The following PKD2 variants were observed in gnomAD, a reference collection of about 807,000 sequenced individuals.
PKD2 encodes the protein polycystin 2, transient receptor potential cation channel.
PKD2 carries 48 observed loss-of-function variants against 105.9 expected under a neutral mutation model. The observed-to-expected ratio is 0.45, with a 90% CI of 0.36 to 0.58. The LOEUF (loss-of-function observed/expected upper bound fraction) is 0.58. Among genes scored for constraint, PKD2 ranks in the 20% least tolerant of loss-of-function variants. The probability of loss-of-function intolerance (pLI) is 0.00; values close to 1 mark genes in which losing one functional copy is unlikely to be tolerated. For synonymous variants in PKD2, 464 were observed against 481.1 expected, an observed-to-expected ratio of 0.96 and a Z score of 0.46; for missense variants, 1,078 against 1,255.3, an observed-to-expected ratio of 0.86 and a Z score of 2.13.
intron 13 of PKD2, among the ~76,000 whole-genome samples, chr4:88,072,867 A>C (rs759725152): frequency 6.6e-6 from 1 of 151,308 alleles, no homozygotes; most frequent in Non-Finnish European, 1.5e-5. Flanking sequence ...TGAGACCCTC[A>C]TCTCTACAAG....
intron 3 of PKD2, among the ~76,000 whole-genome samples, chr4:88,037,386 A>G (rs561280121): frequency 6.6e-6 from 1 of 152,310 alleles, no homozygotes; most frequent in South Asian, 2.1e-4. Context: ...AAAATATTAA[A>G]CTGATCTGAG....
intron 12 of PKD2, 135 bp downstream of exon 12, chr4:88,066,014 T>A (rs1720779870): frequency 5.6e-6 from 4 of 714,434 alleles, no homozygotes; most frequent in South Asian, 4.4e-5. Context: ...TCAGTCGGTT[T>A]ATGTGTTAGT....
In PKD2 at chr4:88,007,810, C is replaced by T; in HGVS notation, c.77C>T (p.Pro26Leu). ...CCGCCCGCGCCCCGCGCGCCGGACCCGGGCCGGCTGATGGCTGGCTGCGCG... is the reference window on the plus strand; with the variant it reads ...CCGCCCGCGCCCCGCGCGCCGGACCTGGGCCGGCTGATGGCTGGCTGCGCG... ...KRPPAPRAPDPGRLMAGCAAV... is the reference protein window; with the variant it reads ...KRPPAPRAPDLGRLMAGCAAV... Residue 26 changes from proline to leucine, a missense_variant, in exon 1 of 15, where the codon CCG becomes CTG. Transcript: ENST00000237596. 8.6e-7 allele frequency: 1 copy of T among 1,168,806 alleles called. No individual in the cohort carries two copies. The highest frequency in any genetic ancestry group is 1.6e-5 in the African/African-American group (1 of 61,366). The allele number at this position is 1,168,806 out of a possible 1,614,324, so 72.4% of individuals were successfully genotyped here. A position where few individuals can be genotyped will look rare whatever the true frequency, so the allele number is the denominator to read the frequency against.
intron 2 of PKD2, among the ~76,000 whole-genome samples, chr4:88,035,301 T>C (rs990956204): frequency 2.0e-5 from 3 of 152,328 alleles, no homozygotes; most frequent in South Asian, 2.1e-4. Flanking sequence ...GTTCGAGTTA[T>C]AGGGTTCCAT....
chr4:88,039,959 C>G (rs958191581), intron 4 of PKD2, among the ~76,000 whole-genome samples: 2 of 152,092 alleles, frequency 1.3e-5, no homozygotes, highest in African/African-American at 2.4e-5. Context: ...CATAAGCATG[C>G]CTTCATCTGT....
intron 13 of PKD2, among the ~76,000 whole-genome samples, chr4:88,072,971 G>T (rs1489835800): frequency 6.7e-6 from 1 of 150,330 alleles, no homozygotes; most frequent in African/African-American, 2.4e-5. Flanking sequence ...GGAGGCAGAG[G>T]TTGCAGTGAG....
chr4:88,052,137 A>G lies in PKD2; in HGVS notation c.1695A>G (p.Thr565=). ...QIQFNNIAAV[T]VFFVWIKLFK... is the part of the protein sequence containing the mutation. ...AGTTCAACAATATAGCTGCTGTCAC[A>G]GTATTTTTTGTCTGGATTAAGGTAA... Residue 565 remains threonine, a synonymous_variant, in exon 7 of 15, where the codon ACA becomes ACG. Coordinates refer to ENST00000237596, the MANE Select transcript of PKD2 (RefSeq NM_000297.4). 1 of 1,600,792 alleles carries G rather than the reference A, an allele frequency of 6.2e-7. No homozygotes were observed. The highest frequency in any genetic ancestry group is 8.6e-7 in the Non-Finnish European group (1 of 1,168,400).
rs1461244816 is a variant in PKD2 at position 88,077,115 on chromosome 4, T to C, written c.*1421T>C. 6.6e-6 allele frequency: 1 copy of C among 152,384 alleles called. No homozygotes were observed. The highest frequency in any genetic ancestry group is 1.5e-5 in the Non-Finnish European group (1 of 68,044). The allele number at this position is 152,384 out of a possible 1,614,324, so 9.4% of individuals were successfully genotyped here. On this transcript the variant is annotated 3_prime_UTR_variant, in exon 15 of 15. Transcript: ENST00000237596. ...CGCTAATAAGCAAAAGAGCATGCAGTGCTGTTGAATAACCCTCACTTGGAG... is the reference window on the plus strand; with the variant it reads ...CGCTAATAAGCAAAAGAGCATGCAGCGCTGTTGAATAACCCTCACTTGGAG...
intron 9 of PKD2, among the ~76,000 whole-genome samples, chr4:88,059,765 A>G (rs2110131487): frequency 6.6e-6 from 1 of 152,234 alleles, no homozygotes; most frequent in East Asian, 1.9e-4. Flanking sequence ...ACATACATAC[A>G]TACATACATA....
At chr4:88,053,941 T>G (rs1156336910) in intron 7 of PKD2, among the ~76,000 whole-genome samples, 1 of 152,126 alleles carries the variant, frequency 6.6e-6, no homozygotes, top group Non-Finnish European at 1.5e-5. Context: ...TTGTATTTAA[T>G]CTTACTTAAT....
At chr4:88,054,600 C>T (rs992827571) in intron 7 of PKD2, among the ~76,000 whole-genome samples, 18 of 151,482 alleles carry the variant, frequency 1.2e-4, no homozygotes, top group African/African-American at 4.1e-4. Flanking sequence ...AAATGTCTTG[C>T]CCCTCGATAC....
In PKD2 at chr4:88,038,381, G is replaced by A. The variant is rs1727420867; in HGVS notation, c.974G>A (p.Arg325Gln). Residue 325 changes from arginine to glutamine, a missense_variant, in exon 4 of 15, where the codon CGA becomes CAA. Physicochemically the swap from Arg to Gln is conservative, Grantham distance 43. Transcript: ENST00000237596. ...LLGVPRIRQLRVRNGSCSIPQ... is the reference protein window; with the variant it reads ...LLGVPRIRQLQVRNGSCSIPQ... Reference sequence around the variant, plus strand: ...GGGGTTCCACGAATACGGCAACTCCGAGTCAGAAATGGATCCTGCTCTATC... The same window carrying A: ...GGGGTTCCACGAATACGGCAACTCCAAGTCAGAAATGGATCCTGCTCTATC... 2 of 1,614,010 alleles carry A rather than the reference G, an allele frequency of 1.2e-6. No homozygotes were observed. Among genetic ancestry groups the A allele is most frequent in the Non-Finnish European group, 1.7e-6 (2 of 1,179,930 alleles).
chr4:88,008,974 A>G (rs946974400), intron 1 of PKD2, among the ~76,000 whole-genome samples: 1 of 152,240 alleles, frequency 6.6e-6, no homozygotes, highest in Non-Finnish European at 1.5e-5. Flanking sequence ...ACATTTTTCT[A>G]AAAACAGTTG....
In PKD2 at chr4:88,038,229, G is replaced by A. The variant is rs2725221; in HGVS notation, c.844-22G>A. On this transcript the variant is annotated intron_variant, in intron 3 of 14. Coordinates refer to ENST00000237596, the MANE Select transcript of PKD2 (RefSeq NM_000297.4). ...AGCGGCTGAGCTTGGAACTTTTTCA[G>A]AGATGTTTCCTTTGCTTTTAGTTCA... 926,069 of 1,611,858 alleles carry A rather than the reference G, an allele frequency of 0.57. 271,815 individuals are homozygous for A. Among genetic ancestry groups the A allele is most frequent in the African/African-American group, 0.89 (67,003 of 74,990 alleles).
intron 9 of PKD2, among the ~76,000 whole-genome samples, chr4:88,059,745 G>GTACA (rs35787437): frequency 0.18 from 26,302 of 150,120 alleles, 2,846 homozygotes; most frequent in East Asian, 0.41. Flanking sequence ...ACATACATAC[G>GTACA]TACATACATA....
intron 2 of PKD2, among the ~76,000 whole-genome samples, chr4:88,026,332 G>A (rs937734533): frequency 7.2e-5 from 11 of 152,330 alleles, no homozygotes; most frequent in African/African-American, 2.4e-4. Flanking sequence ...GAGACTGGCA[G>A]CATTTTTCCC....
At chr4:88,061,787 A>C (rs1720582305) in intron 9 of PKD2, 119 bp from the exon 10 acceptor site, 2 of 545,608 alleles carry the variant, frequency 3.7e-6, no homozygotes, top group Non-Finnish European at 6.7e-6. Context: ...TTATGTCTTC[A>C]TAAAGCACTC....
intron 10 of PKD2, among the ~76,000 whole-genome samples, 156 bp downstream of exon 10, chr4:88,062,160 G>A (rs1394235280): frequency 6.6e-6 from 1 of 152,116 alleles, no homozygotes; most frequent in Non-Finnish European, 1.5e-5. Flanking sequence ...TCCCTATCTT[G>A]GAGTCTTGAT....
chr4:88,020,085 C>T (rs1390016282), intron 2 of PKD2, among the ~76,000 whole-genome samples: 1 of 152,108 alleles, frequency 6.6e-6, no homozygotes, highest in African/African-American at 2.4e-5. Flanking sequence ...TGCCAGACAC[C>T]AAGAAACCAA....
Sources: gnomAD v4.1 joint callset for allele counts (sites outside exome capture counted in the v4.1 genomes callset) on GRCh38, gnomAD v4.1.1 for gene constraint, MANE v1.5 for transcripts, NCBI Gene and HGNC (gene_info 2026-07-23, HGNC 2026-07-21) for gene names.